ZDHHC7: variants seen among roughly 807,000 people sequenced by gnomAD.
ZDHHC7 encodes palmitoyltransferase ZDHHC7.
ZDHHC7 carries 12 observed loss-of-function variants against 34.1 expected under a neutral mutation model. The observed-to-expected ratio is 0.35, with a 90% CI of 0.23 to 0.57. The LOEUF (loss-of-function observed/expected upper bound fraction) is 0.57. Ranked by LOEUF, ZDHHC7 falls within the 20% of genes least tolerant of loss-of-function variation. ZDHHC7 has a pLI of 0.84. For missense variants in ZDHHC7, 388 were observed against 402.7 expected (o/e 0.96, Z 0.31); for synonymous variants, 185 against 155.4 (o/e 1.19, Z -1.42).
At chr16:84,979,552 C>G (rs9935150) in intron 4 of ZDHHC7, among the ~76,000 whole-genome samples, 3,408 of 152,240 alleles carry the variant, frequency 0.022, 125 homozygotes, top group African/African-American at 0.076. Context: ...GACACTCCCC[C>G]AGTAGAGCTG....
chr16:84,995,131 A>T (rs1450807046), intron 2 of ZDHHC7, among the ~76,000 whole-genome samples: 1 of 152,202 alleles, frequency 6.6e-6, no homozygotes, highest in African/African-American at 2.4e-5. Context: ...ACAGTTTCTG[A>T]GGGAACCGTG....
At chr16:84,978,920 G>C (rs1294795020) in intron 5 of ZDHHC7, among the ~76,000 whole-genome samples, 1 of 151,424 alleles carries the variant, frequency 6.6e-6, no homozygotes, top group African/African-American at 2.4e-5. Context: ...ACATACTTTA[G>C]GAAGATTCCT....
At chr16:85,022,933 T>A in the ZDHHC7 span, among the ~76,000 whole-genome samples, 3 of 152,114 alleles carry the variant, frequency 2.0e-5, no homozygotes, top group Non-Finnish European at 4.4e-5. Context: ...TCAATATCAG[T>A]GTCTTAAAGG....
Position 84,976,050 on chromosome 16 carries a change from A to G in ZDHHC7, c.*293T>C. ...GCAGCTCAGGACCCAGGATTTGAATAACCCATGTAATAACCCGAAGTATTC... is the reference window on the plus strand; with the variant it reads ...GCAGCTCAGGACCCAGGATTTGAATGACCCATGTAATAACCCGAAGTATTC... On this transcript the variant is annotated 3_prime_UTR_variant, in exon 8 of 8. Coordinates refer to ENST00000313732, the MANE Select transcript of ZDHHC7 (RefSeq NM_017740.3). 2.6e-6 allele frequency: 1 copy of G among 378,112 alleles called. No individual in the cohort carries two copies. Among genetic ancestry groups the G allele is most frequent in the South Asian group, 3.2e-5 (1 of 30,878 alleles). The allele number at this position is 378,112 out of a possible 1,614,324, so 23.4% of individuals were successfully genotyped here.
At chr16:85,020,387 T>C in the ZDHHC7 span, among the ~76,000 whole-genome samples, 8 of 152,254 alleles carry the variant, frequency 5.3e-5, no homozygotes, top group Admixed American at 1.3e-4. Context: ...CTGCCTGTTA[T>C]GGAGCTTAGA....
chr16:84,998,107 A>G (rs924452700), intron 1 of ZDHHC7, among the ~76,000 whole-genome samples: 1 of 139,922 alleles, frequency 7.1e-6, no homozygotes, highest in African/African-American at 2.6e-5. Context: ...ACTAAAAATA[A>G]AAAAAAATTA....
At chr16:84,999,958 AC>A (rs751822661) in intron 1 of ZDHHC7, among the ~76,000 whole-genome samples, 23 of 152,144 alleles carry the variant, frequency 1.5e-4, no homozygotes, top group Non-Finnish European at 2.6e-4. Context: ...AATCTGGGCA[AC>A]ATGGCAAGAC....
chr16:84,987,436 G>T (rs930116371), intron 3 of ZDHHC7, among the ~76,000 whole-genome samples: 1 of 148,746 alleles, frequency 6.7e-6, no homozygotes. Context: ...ATGCTTCGAT[G>T]TTTTGGGGTT....
intron 2 of ZDHHC7, among the ~76,000 whole-genome samples, chr16:84,995,316 A>G (rs1405947709): frequency 6.6e-6 from 1 of 152,218 alleles, no homozygotes; most frequent in Non-Finnish European, 1.5e-5. Context: ...TAAAGGGACA[A>G]CCACACAAGC....
intron 2 of ZDHHC7, among the ~76,000 whole-genome samples, chr16:84,991,153 T>C (rs561081074): frequency 2.0e-5 from 3 of 152,376 alleles, no homozygotes; most frequent in South Asian, 2.1e-4. Context: ...ACTGACCTCA[T>C]TGGTCTTACC....
At chr16:84,981,750 A>C (rs2072371261) in intron 4 of ZDHHC7, 120 bp downstream of exon 4, 1 of 1,571,854 alleles carries the variant, frequency 6.4e-7, no homozygotes, top group Non-Finnish European at 8.7e-7. Context: ...CGCCCGTACA[A>C]CGTTGCCCAG....
Position 84,976,462 on chromosome 16 carries a change from C to T in ZDHHC7, c.808G>A (p.Gly270Arg). 1.2e-6 allele frequency: 2 copies of T among 1,614,142 alleles called. No individual in the cohort carries two copies. The highest frequency in any genetic ancestry group is 2.2e-5 in the East Asian group (1 of 44,880). The change falls in exon 8 of 8, where the codon GGG (glycine) becomes AGG (arginine). Residue 270 changes from glycine (G) to arginine (R), a missense_variant. Coordinates refer to ENST00000313732, the MANE Select transcript of ZDHHC7 (RefSeq NM_017740.3). The part of the protein sequence containing the change: ...PTWERRLRWE[G>R]MKSVFGGPPS... ...GGCCCCCCAAAGACGGACTTCATCC[C>T]TTCCCATCGCAGCCTCCGCTCCCAT...
chr16:85,007,592 G>A (rs550852775), intron 1 of ZDHHC7, among the ~76,000 whole-genome samples: 4 of 151,872 alleles, frequency 2.6e-5, no homozygotes, highest in African/African-American at 4.9e-5. Flanking sequence ...ATAACAAGCA[G>A]ACCAAAGCAG....
chr16:85,010,207 G>A (rs1238450225), intron 1 of ZDHHC7, among the ~76,000 whole-genome samples: 1 of 151,574 alleles, frequency 6.6e-6, no homozygotes, highest in African/African-American at 2.4e-5. Flanking sequence ...TTTTTGTAGA[G>A]AAGGGGATCT....
upstream of ZDHHC7, among the ~76,000 whole-genome samples, chr16:85,015,477 T>C (rs767122961): frequency 3.3e-5 from 5 of 152,020 alleles, no homozygotes; most frequent in Non-Finnish European, 5.9e-5. Context: ...AACACCTGAA[T>C]AGAAAAGGGG....
chr16:84,992,871 A>G (rs1477911845), intron 2 of ZDHHC7, among the ~76,000 whole-genome samples: 3 of 152,212 alleles, frequency 2.0e-5, no homozygotes, highest in East Asian at 1.9e-4. Flanking sequence ...GGAACATAGC[A>G]ATTATGAAAA....
chr16:85,015,051 T>C (rs151213316), upstream of ZDHHC7, among the ~76,000 whole-genome samples: 223 of 152,010 alleles, frequency 1.5e-3, 1 homozygote, highest in Non-Finnish European at 2.9e-3. Flanking sequence ...GTGGAGACTT[T>C]GGTTTCATCA....
intron 3 of ZDHHC7, chr16:84,988,623 G>T: frequency 1.4e-6 from 1 of 733,538 alleles, no homozygotes; most frequent in Non-Finnish European, 2.3e-6. Flanking sequence ...CGGGGTGGGA[G>T]CAGAAGCTGG....
chr16:84,998,245 C>CA lies in ZDHHC7; in HGVS notation c.-103-2239dup, dbSNP rs2072608710. On this transcript the variant is annotated intron_variant, in intron 1 of 7. Transcript: ENST00000313732. ...CACCACTGCACTCCAGCCTGGGTGA[C>CA]AGAGCGAGACTGTCTCAAAAAAAAA... Among the ~76,000 whole-genome samples the CA allele has an allele frequency of 7.8e-5, 11 of 140,410 alleles. No homozygotes were observed. The South Asian group carries it at 2.3e-3, about 29-fold the overall frequency. 92.1% of individuals were successfully genotyped at this position (140,410 alleles called of 152,430 possible). A position where few individuals can be genotyped will look rare whatever the true frequency, so the allele number is the denominator to read the frequency against.
Sources: gnomAD v4.1 joint callset for allele counts (sites outside exome capture counted in the v4.1 genomes callset) on GRCh38, gnomAD v4.1.1 for gene constraint, MANE v1.5 for transcripts, NCBI Gene and HGNC (gene_info 2026-07-23, HGNC 2026-07-21) for gene names.